SLIT2: variants seen among roughly 807,000 people sequenced by gnomAD.
The protein encoded by SLIT2 is slit guidance ligand 2.
SLIT2 carries 41 observed loss-of-function variants against 185.7 expected under a neutral mutation model. That is an observed-to-expected ratio of 0.22 (90% CI 0.17 to 0.29). The LOEUF (loss-of-function observed/expected upper bound fraction) is 0.29, where lower values mean the gene tolerates loss of function less well. Among genes scored for constraint, SLIT2 ranks in the 10% least tolerant of loss-of-function variants. The pLI is 1.00. For missense variants in SLIT2, 1,571 were observed against 1,909.0 expected (o/e 0.82, Z 3.30); for synonymous variants, 693 against 680.2 (o/e 1.02, Z -0.29).
At chr4:20,442,545 G>C (rs866646506) in intron 4 of SLIT2, among the ~76,000 whole-genome samples, 47 of 98,090 alleles carry the variant, frequency 4.8e-4, no homozygotes, top group South Asian at 2.2e-3. Context: ...AAAAAAAAAG[G>C]GGGGGGAGGG....
At chr4:20,548,657 C>A in intron 23 of SLIT2, 98 bp downstream of exon 23, 1 of 735,800 alleles carries the variant, frequency 1.4e-6, no homozygotes, top group Non-Finnish European at 2.4e-6. Context: ...CAGTCTCTAC[C>A]CTCAAGGAAT....
At chr4:20,415,876 A>G (rs1044007640) in intron 4 of SLIT2, among the ~76,000 whole-genome samples, 7 of 152,316 alleles carry the variant, frequency 4.6e-5, no homozygotes, top group African/African-American at 1.7e-4. Context: ...ACATAAAATT[A>G]TGTTCCAGAC....
At chr4:20,616,613 T>G in intron 34 of SLIT2, 2 of 255,310 alleles carry the variant, frequency 7.8e-6, no homozygotes, top group East Asian at 7.6e-5. Context: ...GCCTCTAGGT[T>G]TTATATATTT....
rs75036067 is a variant in SLIT2, at chr4:20,617,316, C to G, written c.4136+118C>G. 9.3e-4 allele frequency: 1,206 copies of G among 1,289,986 alleles called. 17 individuals carry two copies. The African/African-American group carries it at 0.016, about 17-fold the overall frequency. 79.9% of individuals were successfully genotyped at this position (1,289,986 alleles called of 1,614,324 possible). ...AAGGGAGGGGAGGGGAGGGGAGGTT[C>G]GTTAGGCATTAGCACTCTGTCCCTC... On this transcript the variant is annotated intron_variant, in intron 35 of 36. Coordinates refer to ENST00000504154, the MANE Select transcript of SLIT2 (RefSeq NM_004787.4).
At chr4:20,273,187 G>T (rs1713807925) in intron 4 of SLIT2, among the ~76,000 whole-genome samples, 1 of 151,100 alleles carries the variant, frequency 6.6e-6, no homozygotes, top group Admixed American at 6.6e-5. Context: ...TGCCATAGAA[G>T]GAGACTTATT....
At chr4:20,514,070 A>T (rs1165349838) in intron 11 of SLIT2, among the ~76,000 whole-genome samples, 1 of 152,184 alleles carries the variant, frequency 6.6e-6, no homozygotes, top group African/African-American at 2.4e-5. Context: ...GGAGATCATG[A>T]TAGTGACCAG....
intron 26 of SLIT2, 125 bp downstream of exon 26, chr4:20,554,093 C>T: frequency 1.1e-5 from 9 of 789,016 alleles, no homozygotes; most frequent in Middle Eastern, 3.1e-4. Flanking sequence ...TTTTTCAGCC[C>T]ATGCTTGGAC....
At chr4:20,519,290 T>G in intron 11 of SLIT2, 92 bp from the exon 12 acceptor site, 1 of 700,492 alleles carries the variant, frequency 1.4e-6, no homozygotes, top group Non-Finnish European at 2.5e-6. Flanking sequence ...GATTGCCTAC[T>G]AGCTTCCTGT....
At chr4:20,271,879 A>G (rs1208360462) in intron 4 of SLIT2, among the ~76,000 whole-genome samples, 8 of 152,076 alleles carry the variant, frequency 5.3e-5, no homozygotes, top group Non-Finnish European at 1.5e-5. Flanking sequence ...GAAGAAGCAC[A>G]CATGCTTTTC....
chr4:20,475,484 T>A (rs1715995146), intron 5 of SLIT2, among the ~76,000 whole-genome samples: 2 of 152,040 alleles, frequency 1.3e-5, no homozygotes, highest in Admixed American at 6.6e-5. Flanking sequence ...TTTTCCTGAG[T>A]CACTATGTAT....
intron 4 of SLIT2, among the ~76,000 whole-genome samples, chr4:20,444,218 G>C (rs1364763580): frequency 1.6e-4 from 24 of 152,094 alleles, no homozygotes; most frequent in Admixed American, 1.6e-3. Flanking sequence ...CGCTTGAAAA[G>C]AATGATAAAA....
At chr4:20,282,276 C>T (rs982363183) in intron 4 of SLIT2, among the ~76,000 whole-genome samples, 1 of 152,160 alleles carries the variant, frequency 6.6e-6, no homozygotes, top group Non-Finnish European at 1.5e-5. Flanking sequence ...CCAGATATTT[C>T]TCTGTCTTCT....
intron 33 of SLIT2, among the ~76,000 whole-genome samples, chr4:20,602,575 G>A (rs1320255655): frequency 6.6e-6 from 1 of 152,130 alleles, no homozygotes; most frequent in Non-Finnish European, 1.5e-5. Flanking sequence ...TTAAAATACA[G>A]GCGTTGGGCA....
chr4:20,269,153 C>A lies in SLIT2; in HGVS notation c.395+272C>A, dbSNP rs530969884. Among the ~76,000 whole-genome samples, 27 of 151,792 alleles carry A rather than the reference C, an allele frequency of 1.8e-4. No homozygotes were observed. The South Asian group carries it at 5.2e-3, about 29-fold the overall frequency. Reference sequence around the variant, plus strand: ...ACGTGATGATGGCGAGATTTACCTACCTTTTAATGGAAATGTTTGATTAAG... The same window carrying A: ...ACGTGATGATGGCGAGATTTACCTAACTTTTAATGGAAATGTTTGATTAAG... On this transcript the variant is annotated intron_variant, in intron 4 of 36. Coordinates refer to ENST00000504154, the MANE Select transcript of SLIT2 (RefSeq NM_004787.4).
chr4:20,531,158 G>A (rs1721774438), intron 16 of SLIT2, among the ~76,000 whole-genome samples: 1 of 152,100 alleles, frequency 6.6e-6, no homozygotes, highest in South Asian at 2.1e-4. Context: ...CATATATCCA[G>A]GCAGAAACGT....
At chr4:20,390,535 G>T (rs73238780) in intron 4 of SLIT2, among the ~76,000 whole-genome samples, 2 of 151,834 alleles carry the variant, frequency 1.3e-5, no homozygotes, top group African/African-American at 4.8e-5. Flanking sequence ...GAGTTGAAAC[G>T]TCATTTGAAA....
At chr4:20,539,257 A>G (rs895450613) in intron 18 of SLIT2, among the ~76,000 whole-genome samples, 184 bp from the exon 19 acceptor site, 12 of 152,220 alleles carry the variant, frequency 7.9e-5, no homozygotes, top group Non-Finnish European at 1.5e-4. Context: ...TTGGCAACTC[A>G]AAGCATTTTA....
chr4:20,399,819 G>A (rs1726204899), intron 4 of SLIT2, among the ~76,000 whole-genome samples: 1 of 151,750 alleles, frequency 6.6e-6, no homozygotes, highest in Non-Finnish European at 1.5e-5. Flanking sequence ...AGTAAACTGA[G>A]ACCAAAGTAT....
intron 4 of SLIT2, among the ~76,000 whole-genome samples, chr4:20,298,723 A>G (rs1716745909): frequency 6.6e-6 from 1 of 152,224 alleles, no homozygotes; most frequent in Non-Finnish European, 1.5e-5. Flanking sequence ...TGACAGAAAC[A>G]TCTTGATATG....
Sources: allele counts gnomAD v4.1 joint callset (sites outside exome capture counted in the v4.1 genomes callset), GRCh38; gene constraint gnomAD v4.1.1; transcripts MANE v1.5; gene names NCBI Gene and HGNC (gene_info 2026-07-23, HGNC 2026-07-21).